XYLT1: variants seen among roughly 807,000 people sequenced by gnomAD.
The protein encoded by XYLT1 is beta-D-xylosyltransferase 1.
XYLT1 carries 36 observed loss-of-function variants against 91.3 expected under a neutral mutation model. The ratio of observed to expected loss-of-function variants is 0.39; its 90% CI spans 0.30 to 0.52. The LOEUF (loss-of-function observed/expected upper bound fraction) is 0.52. XYLT1 is among the 20% of genes least tolerant of loss of function. The pLI is 0.68. For missense variants in XYLT1, 1,242 were observed against 1,284.5 expected, an observed-to-expected ratio of 0.97 and a Z score of 0.51; for synonymous variants, 588 against 532.0, an observed-to-expected ratio of 1.11 and a Z score of -1.45.
chr16:17,317,928 A>T (rs1461493588), intron 2 of XYLT1, among the ~76,000 whole-genome samples: 1 of 152,180 alleles, frequency 6.6e-6, no homozygotes, highest in Non-Finnish European at 1.5e-5. Flanking sequence ...ATCCTTGAAT[A>T]TCTGTCTAGT....
intron 1 of XYLT1, among the ~76,000 whole-genome samples, chr16:17,422,369 T>A (rs1596537787): frequency 6.6e-6 from 1 of 152,130 alleles, no homozygotes; most frequent in Non-Finnish European, 1.5e-5. Flanking sequence ...GCTAATTTTT[T>A]AAAATTTTTC....
chr16:17,392,736 C>T lies in XYLT1; in HGVS notation c.364-34686G>A, dbSNP rs116160470. ...CCACATATCTCTCCAGGTGGCCTCC[C>T]TCGCCTTGACAATGTAAATTAACAG... is the stretch of plus-strand genomic sequence containing the variant. On this transcript the variant is annotated intron_variant, in intron 1 of 11. Coordinates refer to ENST00000261381, the MANE Select transcript of XYLT1 (RefSeq NM_022166.4). 4.5e-3 allele frequency among the ~76,000 whole-genome samples: 688 copies of T among 152,218 alleles called. 3 individuals are homozygous for T. Among genetic ancestry groups the T allele is most frequent in the African/African-American group, 0.016 (660 of 41,524 alleles).
chr16:17,128,336 A>G (rs2030335532), intron 9 of XYLT1, among the ~76,000 whole-genome samples: 1 of 152,228 alleles, frequency 6.6e-6, no homozygotes, highest in Non-Finnish European at 1.5e-5. Flanking sequence ...GGATTATCAC[A>G]TCTTTGAAAA....
At position 17,281,525 on chromosome 16, in the gene XYLT1, G is replaced by C. The variant is rs146135813; in HGVS notation, c.403-22027C>G. Among the ~76,000 whole-genome samples the C allele has an allele frequency of 5.5e-3, 840 of 152,310 alleles. 6 individuals are homozygous for C. Among genetic ancestry groups the C allele is most frequent in the African/African-American group, 0.019 (791 of 41,554 alleles). Reference sequence around the variant, plus strand: ...TGTTGTTAAAAAAAATGATGGTCATGATTCCTAAAATTCAAACAAAAGGAA... The same window carrying C: ...TGTTGTTAAAAAAAATGATGGTCATCATTCCTAAAATTCAAACAAAAGGAA... On this transcript the variant is annotated intron_variant, in intron 2 of 11. Transcript: ENST00000261381.
At chr16:17,328,548 C>CAAAAAAAA (rs71373105) in intron 2 of XYLT1, among the ~76,000 whole-genome samples, 818 of 50,988 alleles carry the variant, frequency 0.016, 12 homozygotes, top group Non-Finnish European at 0.025. Flanking sequence ...GACTCCTTCT[C>CAAAAAAAA]AAAAAAAAAA....
chr16:17,126,591 G>A (rs2030268500), intron 10 of XYLT1, among the ~76,000 whole-genome samples: 1 of 152,168 alleles, frequency 6.6e-6, no homozygotes, highest in African/African-American at 2.4e-5. Flanking sequence ...ATATAAGAGG[G>A]TGGGACTCCC....
chr16:17,441,355 TG>T (rs2036529459), intron 1 of XYLT1, among the ~76,000 whole-genome samples: 1 of 152,156 alleles, frequency 6.6e-6, no homozygotes, highest in Non-Finnish European at 1.5e-5. Flanking sequence ...AACACAAAAC[TG>T]AATTAGTTGT....
At chr16:17,277,461 A>G (rs1247179968) in intron 2 of XYLT1, among the ~76,000 whole-genome samples, 4 of 151,960 alleles carry the variant, frequency 2.6e-5, no homozygotes, top group Non-Finnish European at 5.9e-5. Flanking sequence ...GCGATCTCCA[A>G]TCACTGCAAC....
chr16:17,134,358 C>T (rs913209788), intron 9 of XYLT1, 115 bp downstream of exon 9: 1 of 1,373,552 alleles, frequency 7.3e-7, no homozygotes, highest in African/African-American at 1.4e-5. Context: ...AGAGAGAAAG[C>T]ATAGGGTGGC....
At chr16:17,424,306 C>T (rs1001640821) in intron 1 of XYLT1, among the ~76,000 whole-genome samples, 3 of 152,224 alleles carry the variant, frequency 2.0e-5, no homozygotes, top group African/African-American at 4.8e-5. Context: ...CCTGAGAGAA[C>T]TGAACAAGAT....
chr16:17,385,277 C>CAT (rs1444423252), intron 1 of XYLT1, among the ~76,000 whole-genome samples: 1 of 142,030 alleles, frequency 7.0e-6, no homozygotes, highest in African/African-American at 2.9e-5. Context: ...CATACACACA[C>CAT]ACACACACAC....
At chr16:17,109,345 T>C (rs542544894) in intron 11 of XYLT1, among the ~76,000 whole-genome samples, 55 of 152,286 alleles carry the variant, frequency 3.6e-4, no homozygotes, top group African/African-American at 1.3e-3. Flanking sequence ...AGTCAACACA[T>C]ATTTACTAAA....
chr16:17,465,454 C>T (rs760469383), intron 1 of XYLT1, among the ~76,000 whole-genome samples: 43 of 151,742 alleles, frequency 2.8e-4, no homozygotes, highest in Non-Finnish European at 5.0e-4. Context: ...ACATAACAAG[C>T]CATCATAAGA....
chr16:17,376,104 C>T (rs1191705376), intron 1 of XYLT1, among the ~76,000 whole-genome samples: 1 of 152,240 alleles, frequency 6.6e-6, no homozygotes, highest in Non-Finnish European at 1.5e-5. Flanking sequence ...TTAGAGGGGC[C>T]CATCCCACTG....
At chr16:17,253,771 A>T (rs1323432051) in intron 3 of XYLT1, among the ~76,000 whole-genome samples, 1 of 150,682 alleles carries the variant, frequency 6.6e-6, no homozygotes, top group Non-Finnish European at 1.5e-5. Context: ...CACTGACAGC[A>T]TCAGCACCCC....
At chr16:17,377,258 C>T (rs1302400225) in intron 1 of XYLT1, among the ~76,000 whole-genome samples, 2 of 150,726 alleles carry the variant, frequency 1.3e-5, no homozygotes, top group Non-Finnish European at 2.9e-5. Flanking sequence ...ACTAATAACT[C>T]ACCCAAGATC....
intron 1 of XYLT1, among the ~76,000 whole-genome samples, chr16:17,399,889 C>T (rs2035942637): frequency 6.6e-6 from 1 of 152,180 alleles, no homozygotes; most frequent in Non-Finnish European, 1.5e-5. Context: ...CAACATCCTC[C>T]AGCTCTGTTA....
chr16:17,426,876 C>T (rs113307704), intron 1 of XYLT1, among the ~76,000 whole-genome samples: 3 of 152,254 alleles, frequency 2.0e-5, no homozygotes, highest in African/African-American at 7.2e-5. Flanking sequence ...AAAAAGATGA[C>T]ATTTGAGTGA....
At chr16:17,417,844 G>A (rs1338703994) in intron 1 of XYLT1, among the ~76,000 whole-genome samples, 1 of 152,174 alleles carries the variant, frequency 6.6e-6, no homozygotes, top group African/African-American at 2.4e-5. Flanking sequence ...GGACCTCTTA[G>A]AATATTTACT....
Sources: gnomAD v4.1 joint callset for allele counts (sites outside exome capture counted in the v4.1 genomes callset) on GRCh38, gnomAD v4.1.1 for gene constraint, MANE v1.5 for transcripts, NCBI Gene and HGNC (gene_info 2026-07-23, HGNC 2026-07-21) for gene names.